Variants in NELL2 observed in about 807,000 individuals in gnomAD.
NELL2 encodes neural EGFL like 2.
Under a neutral mutation model 109.6 loss-of-function variants are expected in NELL2, and 41 were observed. The observed-to-expected ratio is 0.37, with a 90% CI of 0.29 to 0.49. NELL2 has a LOEUF of 0.49. NELL2 is among the 20% of genes least tolerant of loss of function. The pLI, the probability that NELL2 is intolerant of heterozygous loss-of-function variation, is 0.98. For missense variants in NELL2, 900 were observed against 1,008.3 expected (o/e 0.89, Z 1.45); for synonymous variants, 355 against 344.7 (o/e 1.03, Z -0.33).
At chr12:44,875,667 A>AT in intron 1 of NELL2, 148 bp downstream of exon 1, 1 of 1,584,438 alleles carries the variant, frequency 6.3e-7, no homozygotes, top group Non-Finnish European at 8.5e-7. Context: ...AAAAAAAAAA[A>AT]ATCCATATCC....
intron 3 of NELL2, among the ~76,000 whole-genome samples, chr12:44,809,192 CA>C (rs1440557191): frequency 6.6e-6 from 1 of 152,016 alleles, no homozygotes; most frequent in Non-Finnish European, 1.5e-5. Flanking sequence ...GAAGAAACTG[CA>C]GTTTTGTAAA....
intron 2 of NELL2, among the ~76,000 whole-genome samples, chr12:44,837,489 G>A (rs936964690): frequency 6.6e-6 from 1 of 152,152 alleles, no homozygotes; most frequent in African/African-American, 2.4e-5. Flanking sequence ...AGCCCAGGTA[G>A]TCTACTCCAG....
At chr12:44,550,099 T>C (rs1486088767) in intron 15 of NELL2, among the ~76,000 whole-genome samples, 1 of 151,932 alleles carries the variant, frequency 6.6e-6, no homozygotes, top group Non-Finnish European at 1.5e-5. Context: ...ACATACATGG[T>C]CAACTAATTT....
rs1566515968 is a variant in NELL2 at position 44,843,917 on chromosome 12, G to A, written c.185-27781C>T. Among the ~76,000 whole-genome samples the A allele has an allele frequency of 3.3e-5, 5 of 152,236 alleles. 1 individual carries two copies. In the South Asian group the frequency reaches 1.0e-3, roughly 32 times the overall value. Reference sequence around the variant, plus strand: ...CACGCTTGTGGTCCCAGCTACTTGGGAGGCTGAGGTGAGAGGACCACTTGA... The same window carrying A: ...CACGCTTGTGGTCCCAGCTACTTGGAAGGCTGAGGTGAGAGGACCACTTGA... On this transcript the variant is annotated intron_variant, in intron 2 of 19. Coordinates refer to ENST00000429094, the MANE Select transcript of NELL2 (RefSeq NM_001145108.2).
At chr12:44,717,637 C>T (rs929880999) in intron 9 of NELL2, among the ~76,000 whole-genome samples, 1 of 152,148 alleles carries the variant, frequency 6.6e-6, no homozygotes, top group Non-Finnish European at 1.5e-5. Flanking sequence ...CATCATTACC[C>T]TAAGGCTAAG....
intron 12 of NELL2, among the ~76,000 whole-genome samples, chr12:44,685,523 AT>A (rs1948684019): frequency 6.6e-6 from 1 of 151,602 alleles, no homozygotes; most frequent in Non-Finnish European, 1.5e-5. Context: ...TGGTCTTTAC[AT>A]TTTGGCATGA....
At chr12:44,672,587 T>C (rs962614062) in intron 12 of NELL2, among the ~76,000 whole-genome samples, 1 of 152,200 alleles carries the variant, frequency 6.6e-6, no homozygotes. Flanking sequence ...TTAATTGAAC[T>C]CATAAGTATG....
At chr12:44,867,919 A>C (rs187200022) in intron 2 of NELL2, among the ~76,000 whole-genome samples, 1 of 152,122 alleles carries the variant, frequency 6.6e-6, no homozygotes, top group South Asian at 2.1e-4. Context: ...GAGGAGTTCA[A>C]GACTGGCCTG....
chr12:44,622,833 T>G (rs1167758206), intron 13 of NELL2, among the ~76,000 whole-genome samples: 1 of 152,172 alleles, frequency 6.6e-6, no homozygotes, highest in East Asian at 1.9e-4. Flanking sequence ...AAATTTATCT[T>G]TCTTAGAGTA....
intron 12 of NELL2, among the ~76,000 whole-genome samples, chr12:44,687,752 A>C (rs1948773434): frequency 6.6e-6 from 1 of 152,242 alleles, no homozygotes; most frequent in African/African-American, 2.4e-5. Flanking sequence ...TTTAATCTCT[A>C]TGCATACCTG....
At chr12:44,884,165 A>G (rs1174532064) in intron 1 of NELL2, among the ~76,000 whole-genome samples, 4 of 151,858 alleles carry the variant, frequency 2.6e-5, no homozygotes, top group African/African-American at 9.7e-5. Flanking sequence ...GAATCAAAAG[A>G]AAGTTGAATG....
At chr12:44,745,034 C>A (rs947809454) in intron 9 of NELL2, among the ~76,000 whole-genome samples, 5 of 152,216 alleles carry the variant, frequency 3.3e-5, no homozygotes, top group South Asian at 2.1e-4. Flanking sequence ...CCTTGATGAA[C>A]ATCAATGCGA....
chr12:44,906,558 C>G (rs74637366), intron 1 of NELL2, among the ~76,000 whole-genome samples: 1,601 of 152,022 alleles, frequency 0.011, 31 homozygotes, highest in East Asian at 0.048. Context: ...TCTGGACTTA[C>G]ACTGAATTCA....
rs190316153 is a variant in NELL2, at chr12:44,683,070, T to C, written c.1319-17461A>G. The stretch of plus-strand genomic sequence containing the variant: ...CCGTGAGGATGGAATGTTCCTCCAT[T>C]TGTTTGTATCCTCTTTTATTTCATT... On this transcript the variant is annotated intron_variant, in intron 12 of 19. Coordinates refer to ENST00000429094, the MANE Select transcript of NELL2 (RefSeq NM_001145108.2). Among the ~76,000 whole-genome samples the C allele has an allele frequency of 5.3e-5, 8 of 152,322 alleles. No homozygotes were observed. In the East Asian group the frequency reaches 1.3e-3, roughly 26 times the overall value.
At chr12:44,716,641 T>C (rs972895957) in intron 9 of NELL2, among the ~76,000 whole-genome samples, 1 of 152,122 alleles carries the variant, frequency 6.6e-6, no homozygotes, top group African/African-American at 2.4e-5. Context: ...ACTTAATAAG[T>C]ACTATATTTT....
intron 2 of NELL2, among the ~76,000 whole-genome samples, chr12:44,835,461 C>G (rs1944025813): frequency 2.0e-5 from 3 of 152,216 alleles, no homozygotes; most frequent in African/African-American, 7.2e-5. Context: ...GCCAAGTGTC[C>G]ACTCCAGAGA....
intron 13 of NELL2, among the ~76,000 whole-genome samples, chr12:44,629,364 T>G (rs1410755300): frequency 6.6e-6 from 1 of 152,198 alleles, no homozygotes; most frequent in Non-Finnish European, 1.5e-5. Flanking sequence ...TAGAATTATC[T>G]AAAATCAGAT....
At chr12:44,651,957 T>C (rs963069862) in intron 13 of NELL2, among the ~76,000 whole-genome samples, 3 of 152,166 alleles carry the variant, frequency 2.0e-5, no homozygotes, top group Non-Finnish European at 2.9e-5. Context: ...CCAAAATTAA[T>C]AGGGATTAAT....
intron 1 of NELL2, among the ~76,000 whole-genome samples, chr12:44,896,469 G>A (rs1180483253): frequency 1.3e-5 from 2 of 152,076 alleles, no homozygotes; most frequent in African/African-American, 2.4e-5. Flanking sequence ...TTTCTTAAAG[G>A]AATTCCGTGA....
Sources: gnomAD v4.1 joint callset for allele counts (sites outside exome capture counted in the v4.1 genomes callset) on GRCh38, gnomAD v4.1.1 for gene constraint, MANE v1.5 for transcripts, NCBI Gene and HGNC (gene_info 2026-07-23, HGNC 2026-07-21) for gene names.